Variants in CNTN3 observed in about 807,000 individuals in gnomAD.
CNTN3 encodes contactin 3.
In CNTN3, 60 loss-of-function variants were observed where a neutral mutation model predicts 119.1. That is an observed-to-expected ratio of 0.50 (90% CI 0.41 to 0.62). The LOEUF (loss-of-function observed/expected upper bound fraction) is 0.62, where lower values mean the gene tolerates loss of function less well. Among genes scored for constraint, CNTN3 ranks in the 20% least tolerant of loss-of-function variants. CNTN3 has a pLI of 0.00. For missense variants in CNTN3, 1,101 were observed against 1,242.4 expected (o/e 0.89, Z 1.71); for synonymous variants, 450 against 438.7 (o/e 1.03, Z -0.32).
chr3:74,331,543 G>A (rs1703265377), intron 13 of CNTN3, among the ~76,000 whole-genome samples: 2 of 152,118 alleles, frequency 1.3e-5, no homozygotes, highest in Admixed American at 6.5e-5. Context: ...AAAAAATTAC[G>A]TGACTCACTC....
intron 11 of CNTN3, among the ~76,000 whole-genome samples, chr3:74,353,873 T>C (rs991142427): frequency 1.3e-5 from 2 of 152,160 alleles, no homozygotes; most frequent in African/African-American, 4.8e-5. Context: ...AATGCAGTCA[T>C]GTCATCTCTC....
chr3:74,578,205 T>C (rs887120673), intron 1 of CNTN3, among the ~76,000 whole-genome samples: 1 of 152,002 alleles, frequency 6.6e-6, no homozygotes, highest in African/African-American at 2.4e-5. Context: ...AACCAGACTC[T>C]GGTTATAAGA....
In CNTN3 at chr3:74,342,345, T is replaced by C. The variant is rs576961649; in HGVS notation, c.1365-5687A>G. ...AATAGTATTAGCGTTTTTATTCTTCTACCTATCCTATTTTGGGCTTTCATG... is the reference window on the plus strand; with the variant it reads ...AATAGTATTAGCGTTTTTATTCTTCCACCTATCCTATTTTGGGCTTTCATG... On this transcript the variant is annotated intron_variant, in intron 11 of 22. Transcript: ENST00000263665. 4.6e-5 allele frequency among the ~76,000 whole-genome samples: 7 copies of C among 152,290 alleles called. 1 individual carries two copies. In the South Asian group the frequency reaches 1.5e-3, roughly 32 times the overall value.
chr3:74,478,163 G>A (rs1343175235), intron 4 of CNTN3, among the ~76,000 whole-genome samples: 1 of 152,174 alleles, frequency 6.6e-6, no homozygotes, highest in African/African-American at 2.4e-5. Context: ...GCATCATGGA[G>A]AAAGATGACT....
chr3:74,476,150 A>T (rs1702650827), intron 4 of CNTN3, among the ~76,000 whole-genome samples: 1 of 152,190 alleles, frequency 6.6e-6, no homozygotes, highest in East Asian at 1.9e-4. Flanking sequence ...ATGAAGCAAC[A>T]ATATATAAGG....
chr3:74,596,447 C>G (rs1157798984), intron 1 of CNTN3, among the ~76,000 whole-genome samples: 4 of 152,074 alleles, frequency 2.6e-5, no homozygotes, highest in Admixed American at 1.3e-4. Flanking sequence ...TACTACAAGG[C>G]TACAGTAACC....
chr3:74,369,927 T>C lies in CNTN3; in HGVS notation c.723A>G (p.Lys241=), dbSNP rs775185279. Reference sequence around the variant, plus strand: ...AACATTCCAATTTCACAGTCGAACCTTTAGCTGCTGGAAGAGTTTCTGGAA... The same window carrying C: ...AACATTCCAATTTCACAGTCGAACCCTTAGCTGCTGGAAGAGTTTCTGGAA... ...VQFPETLPAA[K]GSTVKLECFA... The change falls in exon 7 of 23, where the codon AAA becomes AAG. Residue 241 remains lysine (K), a synonymous_variant. Transcript: ENST00000263665. 3 of 1,609,246 alleles carry C rather than the reference T, an allele frequency of 1.9e-6. No individual in the cohort carries two copies. Among genetic ancestry groups the C allele is most frequent in the Non-Finnish European group, 1.7e-6 (2 of 1,177,120 alleles).
intron 1 of CNTN3, among the ~76,000 whole-genome samples, chr3:74,521,990 G>T (rs1423006801): frequency 6.6e-6 from 1 of 151,732 alleles, no homozygotes; most frequent in East Asian, 1.9e-4. Context: ...CTTTAGTAAG[G>T]AACGGGTACA....
At chr3:74,553,663 G>A (rs139312826) in intron 1 of CNTN3, among the ~76,000 whole-genome samples, 5,114 of 152,020 alleles carry the variant, frequency 0.034, 131 homozygotes, top group African/African-American at 0.064. Flanking sequence ...TTGTGGTTTT[G>A]ATTTGCATTT....
At chr3:74,538,523 A>T (rs969654917) in intron 1 of CNTN3, among the ~76,000 whole-genome samples, 5 of 152,132 alleles carry the variant, frequency 3.3e-5, no homozygotes, top group African/African-American at 7.2e-5. Context: ...GGAACAACAA[A>T]AAGGATGGAT....
At chr3:74,466,007 C>G (rs893283748) in intron 4 of CNTN3, among the ~76,000 whole-genome samples, 1 of 152,172 alleles carries the variant, frequency 6.6e-6, no homozygotes, top group Admixed American at 6.6e-5. Context: ...TTACCCAAGA[C>G]TTTTCAGCTG....
At chr3:74,292,597 G>C (rs1407591704) in intron 19 of CNTN3, among the ~76,000 whole-genome samples, 4 of 152,082 alleles carry the variant, frequency 2.6e-5, no homozygotes, top group Non-Finnish European at 4.4e-5. Flanking sequence ...AATAAATAAA[G>C]AGCCAGAAAT....
At chr3:74,375,049 G>T (rs1704445605) in intron 5 of CNTN3, among the ~76,000 whole-genome samples, 1 of 152,044 alleles carries the variant, frequency 6.6e-6, no homozygotes, top group African/African-American at 2.4e-5. Context: ...TATCTCAGCA[G>T]CACAGTAAGC....
At chr3:74,548,475 ACT>A (rs991482145) in intron 1 of CNTN3, among the ~76,000 whole-genome samples, 3 of 152,148 alleles carry the variant, frequency 2.0e-5, no homozygotes, top group African/African-American at 7.2e-5. Context: ...GAATTTGTTG[ACT>A]CTGACTATAT....
intron 4 of CNTN3, among the ~76,000 whole-genome samples, chr3:74,431,722 T>C (rs942315047): frequency 6.6e-6 from 1 of 152,168 alleles, no homozygotes; most frequent in Non-Finnish European, 1.5e-5. Flanking sequence ...AAACAAGCCA[T>C]TTTCCCTCTA....
intron 3 of CNTN3, among the ~76,000 whole-genome samples, chr3:74,498,783 T>C (rs1703108995): frequency 6.6e-6 from 1 of 151,808 alleles, no homozygotes; most frequent in South Asian, 2.1e-4. Context: ...AGAAAACTAA[T>C]AGTGTGAATG....
At chr3:74,312,801 C>T (rs1702725384) in intron 13 of CNTN3, among the ~76,000 whole-genome samples, 1 of 151,818 alleles carries the variant, frequency 6.6e-6, no homozygotes, top group South Asian at 2.1e-4. Context: ...TACTAAAAGG[C>T]AAAAATACAT....
At chr3:74,585,866 T>C (rs994875988) in intron 1 of CNTN3, among the ~76,000 whole-genome samples, 2 of 152,160 alleles carry the variant, frequency 1.3e-5, no homozygotes, top group East Asian at 1.9e-4. Context: ...ACAGTTTTCT[T>C]ACTGTCAAAA....
chr3:74,545,428 C>A (rs1240710349), intron 1 of CNTN3, among the ~76,000 whole-genome samples: 7 of 152,184 alleles, frequency 4.6e-5, no homozygotes. Context: ...ATTTCCATAA[C>A]TTTAAATCCA....
Sources: allele counts gnomAD v4.1 joint callset (sites outside exome capture counted in the v4.1 genomes callset), GRCh38; gene constraint gnomAD v4.1.1; transcripts MANE v1.5; gene names NCBI Gene and HGNC (gene_info 2026-07-23, HGNC 2026-07-21).